Variants in EPS15L1 observed in about 807,000 individuals in gnomAD.
The protein encoded by EPS15L1 is epidermal growth factor receptor substrate 15-like 1.
Under a neutral mutation model 117.1 loss-of-function variants are expected in EPS15L1, and 43 were observed. The ratio of observed to expected loss-of-function variants is 0.37; its 90% CI spans 0.29 to 0.47. The LOEUF (loss-of-function observed/expected upper bound fraction) is 0.47, where lower values mean the gene tolerates loss of function less well. Among genes scored for constraint, EPS15L1 ranks in the 20% least tolerant of loss-of-function variants. EPS15L1 has a pLI of 0.99. For missense variants in EPS15L1, 981 were observed against 1,164.0 expected (o/e 0.84, Z 2.29); for synonymous variants, 459 against 470.5 (o/e 0.98, Z 0.32).
At position 16,377,363 on chromosome 19, in the gene EPS15L1, C is replaced by T. The variant is rs1365330780; in HGVS notation, c.2248-109G>A. On this transcript the variant is annotated intron_variant, in intron 21 of 23. Coordinates refer to ENST00000455140, the MANE Select transcript of EPS15L1 (RefSeq NM_001258374.3). ...CAAGGGCCCTGGCAAGGCCTCCTAC[C>T]CTCTGGACTGCACAACATGGCCCTG... 2.8e-5 allele frequency: 36 copies of T among 1,263,206 alleles called. No individual in the cohort carries two copies. The South Asian group carries it at 3.7e-4, about 13-fold the overall frequency. The allele number at this position is 1,263,206 out of a possible 1,614,324, so 78.2% of individuals were successfully genotyped here.
intron 23 of EPS15L1, 91 bp downstream of exon 23, chr19:16,361,688 G>C (rs1599518172): frequency 6.7e-7 from 1 of 1,481,490 alleles, no homozygotes; most frequent in South Asian, 1.4e-5. Context: ...TAAAGAAGCT[G>C]GGAGGTTTGC....
rs755344925 is a variant in EPS15L1 at position 16,418,016 on chromosome 19, C to T, written c.1039G>A (p.Gly347Ser). The T allele has an allele frequency of 6.2e-7, 1 of 1,614,204 alleles. No individual in the cohort carries two copies. The highest frequency in any genetic ancestry group is 8.5e-7 in the Non-Finnish European group (1 of 1,180,044). ...GAGAGGACTTGAGGAGGGTCGATGC[C>T]TTTACTGACCTTCTGCTGAATGAAA... is the stretch of plus-strand genomic sequence containing the variant. ...MYFIQQKVSK[G>S]IDPPQVLSPD... Residue 347 changes from glycine to serine, a missense_variant, in exon 11 of 24, where the codon GGC becomes AGC. By Grantham distance (56) the Gly-to-Ser change is moderately conservative. This residue lies in a region of EPS15L1 where 819 missense variants were observed against 949.0 expected (regional missense o/e 0.86). Transcript: ENST00000455140.
In EPS15L1 at chr19:16,442,354, C is replaced by T. The variant is rs16981271; in HGVS notation, c.34-135G>A. ...TCAAAATGCATGCACTTTAAACATCCTCTGAACACAGAATTCAGTTTATCT... is the reference window on the plus strand; with the variant it reads ...TCAAAATGCATGCACTTTAAACATCTTCTGAACACAGAATTCAGTTTATCT... On this transcript the variant is annotated intron_variant, in intron 1 of 23. Coordinates refer to ENST00000455140, the MANE Select transcript of EPS15L1 (RefSeq NM_001258374.3). 2,921 of 650,240 alleles carry T rather than the reference C, an allele frequency of 4.5e-3. 50 individuals are homozygous for T. The African/African-American group carries it at 0.046, about 10-fold the overall frequency. The allele number at this position is 650,240 out of a possible 1,614,324, so 40.3% of individuals were successfully genotyped here.
At chr19:16,459,522 G>T (rs1053799225) in intron 1 of EPS15L1, among the ~76,000 whole-genome samples, 1 of 152,144 alleles carries the variant, frequency 6.6e-6, no homozygotes, top group Non-Finnish European at 1.5e-5. Context: ...GGTGCAGTTG[G>T]TAGTGGGGAG....
Position 16,361,960 on chromosome 19 carries a change from A to C in EPS15L1, c.2405T>G (p.Leu802Arg), listed in dbSNP as rs756507720. The stretch of plus-strand genomic sequence containing the variant: ...GGCCTCGGGAAAGTCTGCGGAACCA[A>C]GCTGGCTTACAGGTGTACTTTTACC... ...PSGKSTPVSQ[L>R]GSADFPEAPD... Residue 802 changes from leucine to arginine, a missense_variant, in exon 23 of 24, where the codon CTT becomes CGT. Physicochemically the swap from Leu to Arg is moderately radical, Grantham distance 102. This residue lies in a region of EPS15L1 where 819 missense variants were observed against 949.0 expected (regional missense o/e 0.86). Coordinates refer to ENST00000455140, the MANE Select transcript of EPS15L1 (RefSeq NM_001258374.3). 1 of 1,613,006 alleles carries C rather than the reference A, an allele frequency of 6.2e-7. No homozygotes were observed. Among genetic ancestry groups the C allele is most frequent in the Non-Finnish European group, 8.5e-7 (1 of 1,179,574 alleles).
chr19:16,367,875 T>C (rs2092160571), intron 22 of EPS15L1, among the ~76,000 whole-genome samples: 1 of 151,894 alleles, frequency 6.6e-6, no homozygotes, highest in Non-Finnish European at 1.5e-5. Context: ...ACTCTCTTGG[T>C]TTAAATTTTT....
chr19:16,381,974 G>A lies in EPS15L1; in HGVS notation c.2247+3155C>T, dbSNP rs1307097408. Among the ~76,000 whole-genome samples the A allele has an allele frequency of 3.9e-5, 6 of 152,340 alleles. No homozygotes were observed. Among genetic ancestry groups the A allele is most frequent in the Admixed American group, 6.5e-5 (1 of 15,304 alleles). ...GAGTGGGGCCTCGGTTCCAGTGGCT[G>A]CAGTGAGCCTTTCTACCCTCTGTGT... On this transcript the variant is annotated intron_variant, in intron 21 of 23. Transcript: ENST00000455140. The surrounding 1 kb of genome is among the most constrained non-coding windows in gnomAD (Gnocchi z 4.2).
At chr19:16,467,332 T>C (rs2093314016) in intron 1 of EPS15L1, among the ~76,000 whole-genome samples, 1 of 151,920 alleles carries the variant, frequency 6.6e-6, no homozygotes, top group African/African-American at 2.4e-5. Context: ...GTATTTTTAG[T>C]AGAGATGAGG....
chr19:16,395,318 G>C, intron 17 of EPS15L1, 26 bp downstream of exon 17: 1 of 1,604,882 alleles, frequency 6.2e-7, no homozygotes, highest in Non-Finnish European at 8.5e-7. Context: ...GTCTTTCAAT[G>C]AGAAAGTGGG....
intron 12 of EPS15L1, among the ~76,000 whole-genome samples, chr19:16,414,153 C>T (rs1429939168): frequency 6.6e-6 from 1 of 152,144 alleles, no homozygotes; most frequent in African/African-American, 2.4e-5. Flanking sequence ...CCCTTGCTGA[C>T]TTTGAAGGTG....
Position 16,381,255 on chromosome 19 carries a change from G to A in EPS15L1, c.2247+3874C>T, listed in dbSNP as rs1484711798. Among the ~76,000 whole-genome samples the A allele has an allele frequency of 3.3e-5, 5 of 152,248 alleles. No individual in the cohort carries two copies. Among genetic ancestry groups the A allele is most frequent in the African/African-American group, 9.6e-5 (4 of 41,468 alleles). ...CTGCCTTACACACAAGGAAACTGAG[G>A]CACACAAAGGAGGCGCAGCCTGCCC... is the stretch of plus-strand genomic sequence containing the variant. On this transcript the variant is annotated intron_variant, in intron 21 of 23. Transcript: ENST00000455140. The surrounding 1 kb of genome is among the most constrained non-coding windows in gnomAD (Gnocchi z 4.2).
intron 22 of EPS15L1, 146 bp downstream of exon 22, chr19:16,376,976 G>A (rs1008370324): frequency 9.6e-7 from 1 of 1,044,298 alleles, no homozygotes; most frequent in South Asian, 1.7e-5. Flanking sequence ...CGTGGACCTG[G>A]GCAGCTGGGC....
At chr19:16,467,416 C>T (rs544228817) in intron 1 of EPS15L1, among the ~76,000 whole-genome samples, 2 of 152,000 alleles carry the variant, frequency 1.3e-5, no homozygotes, top group African/African-American at 2.4e-5. Flanking sequence ...TCCCAAAGTG[C>T]TAGGATTACA....
chr19:16,469,357 G>A (rs369425032), intron 1 of EPS15L1, among the ~76,000 whole-genome samples: 4 of 152,084 alleles, frequency 2.6e-5, no homozygotes, highest in South Asian at 2.1e-4. Context: ...GAGGAGGATC[G>A]GCTGCAGCCA....
At chr19:16,428,414 G>GGGAGGGAAGGAA (rs1426159541) in intron 8 of EPS15L1, among the ~76,000 whole-genome samples, 3 of 133,220 alleles carry the variant, frequency 2.3e-5, no homozygotes, top group African/African-American at 9.1e-5. Flanking sequence ...AAGGGAGGGA[G>GGGAGGGAAGGAA]GGAAGGAAGG....
intron 18 of EPS15L1, among the ~76,000 whole-genome samples, chr19:16,393,511 T>C (rs2092503817): frequency 6.6e-6 from 1 of 151,076 alleles, no homozygotes; most frequent in Non-Finnish European, 1.5e-5. Context: ...TAGCCGGGCG[T>C]GGTAGCGGGC....
chr19:16,374,294 A>G (rs1347531259), intron 22 of EPS15L1, among the ~76,000 whole-genome samples: 1 of 152,194 alleles, frequency 6.6e-6, no homozygotes, highest in African/African-American at 2.4e-5. Context: ...CTAAGGGCCC[A>G]TCAATGTTAA....
At chr19:16,369,676 AGTGTGTGTGT>A (rs10543332) in intron 22 of EPS15L1, among the ~76,000 whole-genome samples, 12 of 146,040 alleles carry the variant, frequency 8.2e-5, no homozygotes, top group African/African-American at 2.6e-4. Flanking sequence ...AAGAAAAAAA[AGTGTGTGTGT>A]GTGTGTGTGT....
chr19:16,465,163 C>T (rs1010807365), intron 1 of EPS15L1, among the ~76,000 whole-genome samples: 3 of 152,140 alleles, frequency 2.0e-5, no homozygotes, highest in Admixed American at 6.5e-5. Flanking sequence ...TCAAAGCCAT[C>T]CTGGGCCACA....
Sources: allele counts gnomAD v4.1 joint callset (sites outside exome capture counted in the v4.1 genomes callset), GRCh38; gene constraint gnomAD v4.1.1; regional missense constraint gnomAD v4.1.1; non-coding constraint Gnocchi (gnomAD v3.1); transcripts MANE v1.5; gene names NCBI Gene and HGNC (gene_info 2026-07-23, HGNC 2026-07-21).